Variants in ADGRD1 observed in about 807,000 individuals in gnomAD.
ADGRD1 encodes adhesion G protein-coupled receptor D1.
In ADGRD1, 77 loss-of-function variants were observed where a neutral mutation model predicts 113.4. That is an observed-to-expected ratio of 0.68 (90% CI 0.57 to 0.82). The LOEUF is 0.82. ADGRD1 is among the 40% of genes least tolerant of loss of function. ADGRD1 has a pLI of 0.00. For missense variants in ADGRD1, 1,036 were observed against 1,139.1 expected (o/e 0.91, Z 1.30); for synonymous variants, 474 against 475.0 (o/e 1.00, Z 0.03).
Position 131,084,533 on chromosome 12 carries a change from T to G in ADGRD1, c.1548-7T>G. ...ACCTCCTCTGATCCTTTCTCCTGTG[T>G]CCTCAGCTCCGGAGAAGGGGTCTGG... On this transcript the variant is annotated splice_polypyrimidine_tract_variant and splice_region_variant and intron_variant, in intron 14 of 24. Coordinates refer to ENST00000261654, the MANE Select transcript of ADGRD1 (RefSeq NM_198827.5). This position sits in a 1 kb window ranked among gnomAD's most constrained non-coding sequence, Gnocchi z 4.5. 1 of 1,613,936 alleles carries G rather than the reference T, an allele frequency of 6.2e-7. No individual in the cohort carries two copies. The highest frequency in any genetic ancestry group is 8.5e-7 in the Non-Finnish European group (1 of 1,180,000).
intron 8 of ADGRD1, among the ~76,000 whole-genome samples, chr12:130,997,332 T>C (rs1217761856): frequency 1.2e-4 from 17 of 140,476 alleles, no homozygotes; most frequent in African/African-American, 2.7e-5. Context: ...CCGGACGGGG[T>C]GGCTGCCGGG....
intron 3 of ADGRD1, chr12:130,967,349 A>T (rs1192843978): frequency 5.8e-6 from 1 of 172,312 alleles, no homozygotes; most frequent in Admixed American, 5.6e-5. Flanking sequence ...GAGAAACCTC[A>T]CATCTTTCTG....
Position 131,084,455 on chromosome 12 carries a change from T to G in ADGRD1, c.1548-85T>G. ...GCGCCGCCATGAGTTCACGGGGCCA[T>G]GTGTTATGGGGGGTGCTGCTCTCAG... On this transcript the variant is annotated intron_variant, in intron 14 of 24. Coordinates refer to ENST00000261654, the MANE Select transcript of ADGRD1 (RefSeq NM_198827.5). This position sits in a 1 kb window ranked among gnomAD's most constrained non-coding sequence, Gnocchi z 4.5. 8.3e-6 allele frequency: 12 copies of G among 1,443,184 alleles called. No homozygotes were observed. Among genetic ancestry groups the G allele is most frequent in the Admixed American group, 1.7e-5 (1 of 59,152 alleles). 89.4% of individuals were successfully genotyped at this position (1,443,184 alleles called of 1,614,324 possible). A position where few individuals can be genotyped will look rare whatever the true frequency, so the allele number is the denominator to read the frequency against.
At chr12:131,097,861 G>A (rs953004355) in intron 15 of ADGRD1, among the ~76,000 whole-genome samples, 3 of 152,236 alleles carry the variant, frequency 2.0e-5, no homozygotes, top group East Asian at 1.9e-4. Context: ...CTTGTGCCCG[G>A]GAGCCCATCC....
At chr12:130,969,956 C>A (rs1352910598) in intron 3 of ADGRD1, 1 of 152,026 alleles carries the variant, frequency 6.6e-6, no homozygotes, top group Non-Finnish European at 1.5e-5. Flanking sequence ...GAAAAGCATG[C>A]CATTTTAATG....
chr12:131,105,220 C>T (rs1281255783), intron 16 of ADGRD1, among the ~76,000 whole-genome samples: 3 of 152,226 alleles, frequency 2.0e-5, no homozygotes, highest in Admixed American at 6.5e-5. Flanking sequence ...TTTGAGGGCC[C>T]GACTGTGCCC....
chr12:131,001,910 C>G (rs1411509145), intron 9 of ADGRD1, among the ~76,000 whole-genome samples: 1 of 152,098 alleles, frequency 6.6e-6, no homozygotes, highest in Non-Finnish European at 1.5e-5. Flanking sequence ...ATTTTATTCT[C>G]TCATTATTAA....
At chr12:131,074,383 TTCAGGAGGACGC>T (rs1389575146) in intron 13 of ADGRD1, among the ~76,000 whole-genome samples, 3 of 152,186 alleles carry the variant, frequency 2.0e-5, no homozygotes, top group African/African-American at 7.2e-5. Context: ...GGCTTGAGGT[TTCAGGAGGACGC>T]TCAGGTGAAT....
chr12:130,998,000 G>A (rs1364343192), intron 8 of ADGRD1, among the ~76,000 whole-genome samples: 1 of 152,106 alleles, frequency 6.6e-6, no homozygotes, highest in Non-Finnish European at 1.5e-5. Context: ...TTAGGAGCTG[G>A]AGACCAGCCT....
intron 21 of ADGRD1, among the ~76,000 whole-genome samples, chr12:131,135,477 C>G (rs1593277473): frequency 6.6e-6 from 1 of 152,314 alleles, no homozygotes; most frequent in East Asian, 1.9e-4. Flanking sequence ...AAGATGACCA[C>G]TTGGCCCTGC....
At chr12:131,068,521 G>A (rs1884903228) in intron 13 of ADGRD1, among the ~76,000 whole-genome samples, 1 of 152,186 alleles carries the variant, frequency 6.6e-6, no homozygotes, top group African/African-American at 2.4e-5. Flanking sequence ...GGCTGAGGCT[G>A]TTTGACTCCG....
intron 20 of ADGRD1, among the ~76,000 whole-genome samples, chr12:131,127,649 G>A (rs1277910193): frequency 6.8e-6 from 1 of 147,120 alleles, no homozygotes; most frequent in African/African-American, 2.5e-5. Flanking sequence ...TGTTGGTTGG[G>A]TTGGTTGTTA....
intron 2 of ADGRD1, among the ~76,000 whole-genome samples, chr12:130,958,410 G>C (rs1593253187): frequency 6.6e-6 from 1 of 152,040 alleles, no homozygotes; most frequent in South Asian, 2.1e-4. Flanking sequence ...ATGTTGACCA[G>C]GCTGGTCTCA....
At chr12:131,046,297 T>A (rs1423706538) in intron 13 of ADGRD1, among the ~76,000 whole-genome samples, 2 of 143,294 alleles carry the variant, frequency 1.4e-5, no homozygotes, top group African/African-American at 2.7e-5. Context: ...CCCTCCCTGG[T>A]CAGTGCTCCC....
chr12:131,093,109 C>T (rs543403220), intron 15 of ADGRD1, among the ~76,000 whole-genome samples: 2 of 152,082 alleles, frequency 1.3e-5, no homozygotes, highest in East Asian at 1.9e-4. Flanking sequence ...ATGCTTCCTG[C>T]TCTTGTCTTG....
chr12:131,090,886 G>C (rs1380476501), intron 15 of ADGRD1, among the ~76,000 whole-genome samples: 1 of 152,228 alleles, frequency 6.6e-6, no homozygotes, highest in Non-Finnish European at 1.5e-5. Flanking sequence ...TCTGGGAACC[G>C]TGTACCAATT....
intron 13 of ADGRD1, among the ~76,000 whole-genome samples, chr12:131,032,542 G>T (rs1880897010): frequency 6.6e-6 from 1 of 152,176 alleles, no homozygotes; most frequent in African/African-American, 2.4e-5. Flanking sequence ...TGCCCTCTTA[G>T]GACAGCAGTG....
rs929221281 is a variant in ADGRD1, at chr12:131,002,525, G to A, written c.1027-660G>A. 8.0e-6 allele frequency: 8 copies of A among 994,074 alleles called. No homozygotes were observed. In the African/African-American group the frequency reaches 1.2e-4, roughly 15 times the overall value. The allele number at this position is 994,074 out of a possible 1,614,324, so 61.6% of individuals were successfully genotyped here. On this transcript the variant is annotated intron_variant, in intron 9 of 24. Coordinates refer to ENST00000261654, the MANE Select transcript of ADGRD1 (RefSeq NM_198827.5). ...GAAAGGCAGGAAGAGAAGCAGTGAA[G>A]GCAGAGCTCACTGGCCCAGCTCAGC...
chr12:131,139,774 G>C lies in ADGRD1; in HGVS notation c.*511G>C, dbSNP rs1395185714. 1 of 153,634 alleles carries C rather than the reference G, an allele frequency of 6.5e-6. No homozygotes were observed. The highest frequency in any genetic ancestry group is 1.4e-5 in the Non-Finnish European group (1 of 69,048). 9.5% of individuals were successfully genotyped at this position (153,634 alleles called of 1,614,324 possible). A position where few individuals can be genotyped will look rare whatever the true frequency, so the allele number is the denominator to read the frequency against. ...GGAGTCCCCAGTGTCTGAATCCACTGAGTGGTGAGTTCCCCACAGCCGGCG... is the reference window on the plus strand; with the variant it reads ...GGAGTCCCCAGTGTCTGAATCCACTCAGTGGTGAGTTCCCCACAGCCGGCG... On this transcript the variant is annotated 3_prime_UTR_variant, in exon 25 of 25. Transcript: ENST00000261654.
Sources: gnomAD v4.1 joint callset for allele counts (sites outside exome capture counted in the v4.1 genomes callset) on GRCh38, gnomAD v4.1.1 for gene constraint, Gnocchi (gnomAD v3.1) non-coding constraint, MANE v1.5 for transcripts, NCBI Gene and HGNC (gene_info 2026-07-23, HGNC 2026-07-21) for gene names.